Variants in CRPPA observed in about 807,000 individuals in gnomAD.
CRPPA encodes the protein CDP-L-ribitol pyrophosphorylase A.
Under a neutral mutation model 52.0 loss-of-function variants are expected in CRPPA, and 43 were observed. The ratio of observed to expected loss-of-function variants is 0.83; its 90% CI spans 0.65 to 1.07. CRPPA has a LOEUF of 1.07. Ranked by LOEUF, CRPPA falls within the 50% of genes least tolerant of loss-of-function variation. The pLI is 0.00. For synonymous variants in CRPPA, 250 were observed against 203.5 expected, an observed-to-expected ratio of 1.23 and a Z score of -1.94; for missense variants, 629 against 551.7, an observed-to-expected ratio of 1.14 and a Z score of -1.40.
chr7:16,383,494 T>C (rs899322532), intron 2 of CRPPA, among the ~76,000 whole-genome samples: 6 of 152,188 alleles, frequency 3.9e-5, no homozygotes, highest in Non-Finnish European at 7.3e-5. Flanking sequence ...ACTCCAGCTG[T>C]GTGCTGGGAG....
rs114902734 is a variant in CRPPA, at chr7:16,152,699, G to A, written c.1252-60900C>T. Among the ~76,000 whole-genome samples, 848 of 152,012 alleles carry A rather than the reference G, an allele frequency of 5.6e-3. 9 individuals are homozygous for A. The highest frequency in any genetic ancestry group is 0.019 in the African/African-American group (775 of 41,522). On this transcript the variant is annotated intron_variant, in intron 9 of 9. Coordinates refer to ENST00000407010, the MANE Select transcript of CRPPA (RefSeq NM_001101426.4). ...TTGCCCTTAGTATTTCAACATGAAA[G>A]GCAGGGTCTTGGTTTAAAGTTATGA...
At chr7:16,295,189 C>T (rs1186920005) in intron 5 of CRPPA, among the ~76,000 whole-genome samples, 2 of 151,994 alleles carry the variant, frequency 1.3e-5, no homozygotes, top group Non-Finnish European at 2.9e-5. Flanking sequence ...TAAAATATGG[C>T]ATGAGGATAA....
At chr7:16,184,411 A>G (rs1781467579) in intron 9 of CRPPA, among the ~76,000 whole-genome samples, 1 of 152,296 alleles carries the variant, frequency 6.6e-6, no homozygotes, top group East Asian at 1.9e-4. Flanking sequence ...TATTTTGTAG[A>G]ACAAATCTGC....
rs116821304 is a variant in CRPPA, at chr7:16,142,231, C to A, written c.1252-50432G>T. The stretch of plus-strand genomic sequence containing the variant: ...TTTAGTTTTAATTTTAGGTTCAGGG[C>A]TACATGTGCAGGTTTGTTACATAGG... On this transcript the variant is annotated intron_variant, in intron 9 of 9. Transcript: ENST00000407010. Among the ~76,000 whole-genome samples, 978 of 152,216 alleles carry A rather than the reference C, an allele frequency of 6.4e-3. 8 individuals are homozygous for A. The highest frequency in any genetic ancestry group is 0.022 in the African/African-American group (900 of 41,532).
rs1414775555 is a variant in CRPPA, at chr7:16,088,546, TA to T, written c.*3148del. 2 of 151,228 alleles carry T rather than the reference TA, an allele frequency of 1.3e-5. No homozygotes were observed. Among genetic ancestry groups the T allele is most frequent in the Non-Finnish European group, 2.9e-5 (2 of 68,056 alleles). The allele number at this position is 151,228 out of a possible 1,614,324, so 9.4% of individuals were successfully genotyped here. ...CATTCTCCTGCCTAAGCCTCCTGAGTAGCTGGGACTACAGGCGCCCGCCACG... is the reference window on the plus strand; with the variant it reads ...CATTCTCCTGCCTAAGCCTCCTGAGTGCTGGGACTACAGGCGCCCGCCACG... On this transcript the variant is annotated 3_prime_UTR_variant, in exon 10 of 10. Transcript: ENST00000407010.
chr7:16,217,073 C>G (rs1782345979), intron 8 of CRPPA, among the ~76,000 whole-genome samples: 1 of 150,528 alleles, frequency 6.6e-6, no homozygotes, highest in East Asian at 2.0e-4. Context: ...AGTGGTTCTC[C>G]CAGCACGCAG....
chr7:16,377,439 A>G (rs1004546102), intron 2 of CRPPA, among the ~76,000 whole-genome samples: 4 of 152,190 alleles, frequency 2.6e-5, no homozygotes, highest in Non-Finnish European at 5.9e-5. Context: ...AACTACGTAT[A>G]TTTTTGGAAT....
intron 5 of CRPPA, among the ~76,000 whole-genome samples, chr7:16,286,037 AAATATAAATATATATATAT>A (rs1562608314): frequency 0.029 from 439 of 15,020 alleles, 17 homozygotes; most frequent in African/African-American, 0.043. Context: ...AAAAAAAAAA[AAATATAAATATATATATAT>A]ATATATATAT....
chr7:16,105,522 T>A (rs1782133556), intron 9 of CRPPA, among the ~76,000 whole-genome samples: 2 of 152,148 alleles, frequency 1.3e-5, no homozygotes, highest in African/African-American at 4.8e-5. Context: ...AGTGAAAATG[T>A]CATGACTACA....
At chr7:16,239,137 C>CAATAAAAAAA (rs1783032532) in intron 8 of CRPPA, among the ~76,000 whole-genome samples, 1 of 88,526 alleles carries the variant, frequency 1.1e-5, no homozygotes, top group Non-Finnish European at 2.2e-5. Flanking sequence ...GACTCTGTCT[C>CAATAAAAAAA]AAAAAAAAAA....
chr7:16,419,831 G>C (rs1788284271), intron 1 of CRPPA, among the ~76,000 whole-genome samples: 1 of 152,012 alleles, frequency 6.6e-6, no homozygotes, highest in African/African-American at 2.4e-5. Context: ...CTCCGATCCC[G>C]AAATGCTCGA....
At chr7:16,198,655 C>A (rs1781787009) in intron 9 of CRPPA, among the ~76,000 whole-genome samples, 1 of 148,710 alleles carries the variant, frequency 6.7e-6, no homozygotes, top group South Asian at 2.2e-4. Flanking sequence ...TTACGAGAAA[C>A]ACCCACAGGT....
chr7:16,376,917 C>G (rs1786904684), intron 2 of CRPPA, among the ~76,000 whole-genome samples: 1 of 152,096 alleles, frequency 6.6e-6, no homozygotes, highest in Admixed American at 6.6e-5. Context: ...CATTGTAAGA[C>G]AGTTTTGAAG....
chr7:16,277,566 T>C (rs1784230771), intron 6 of CRPPA, among the ~76,000 whole-genome samples: 3 of 152,126 alleles, frequency 2.0e-5, no homozygotes, highest in African/African-American at 4.8e-5. Context: ...AAAGTTGTCA[T>C]AAAAATGATT....
At chr7:16,274,047 T>TTTTTG (rs990441158) in intron 6 of CRPPA, among the ~76,000 whole-genome samples, 2 of 152,006 alleles carry the variant, frequency 1.3e-5, no homozygotes, top group African/African-American at 2.4e-5. Context: ...TTTGTTTTTG[T>TTTTTG]TTTTGTTTTG....
chr7:16,333,773 CT>C (rs1785613799), intron 3 of CRPPA, among the ~76,000 whole-genome samples: 1 of 152,140 alleles, frequency 6.6e-6, no homozygotes, highest in African/African-American at 2.4e-5. Context: ...AGAAATCTAA[CT>C]AGCAATTATC....
intron 3 of CRPPA, among the ~76,000 whole-genome samples, chr7:16,364,224 C>T (rs1471181769): frequency 6.6e-6 from 1 of 152,058 alleles, no homozygotes; most frequent in Non-Finnish European, 1.5e-5. Flanking sequence ...TACTTATACC[C>T]AAAAGGTCAT....
chr7:16,318,483 T>C (rs746874749), intron 3 of CRPPA, among the ~76,000 whole-genome samples: 4 of 152,144 alleles, frequency 2.6e-5, no homozygotes, highest in Non-Finnish European at 4.4e-5. Flanking sequence ...TTTTTCTCCA[T>C]ATGTAACAAT....
At chr7:16,227,201 A>C (rs1163212619) in intron 8 of CRPPA, among the ~76,000 whole-genome samples, 2 of 151,980 alleles carry the variant, frequency 1.3e-5, no homozygotes, top group Non-Finnish European at 1.5e-5. Flanking sequence ...TGAACATAAG[A>C]GTACAGATGT....
Sources: allele counts gnomAD v4.1 joint callset (sites outside exome capture counted in the v4.1 genomes callset), GRCh38; gene constraint gnomAD v4.1.1; transcripts MANE v1.5; gene names NCBI Gene and HGNC (gene_info 2026-07-23, HGNC 2026-07-21).